Variants in DNER observed in about 807,000 individuals in gnomAD.
DNER encodes delta and Notch-like epidermal growth factor-related receptor.
A neutral mutation model predicts 78.2 loss-of-function variants in DNER; 33 were observed. The ratio of observed to expected loss-of-function variants is 0.42; its 90% confidence interval spans 0.32 to 0.56. The LOEUF (loss-of-function observed/expected upper bound fraction) is 0.56, where lower values mean the gene tolerates loss of function less well. Ranked by LOEUF, DNER falls within the 20% of genes least tolerant of loss-of-function variation. The pLI is 0.11. For missense variants in DNER, 918 were observed against 975.3 expected, an observed-to-expected ratio of 0.94 and a Z score of 0.78; for synonymous variants, 417 against 384.8, an observed-to-expected ratio of 1.08 and a Z score of -0.98.
chr2:229,611,251 C>T (rs1698040557), intron 1 of DNER, among the ~76,000 whole-genome samples: 1 of 152,144 alleles, frequency 6.6e-6, no homozygotes, highest in Admixed American at 6.5e-5. Context: ...GTCATTTGCA[C>T]ATAAGTTGTT....
At chr2:229,581,429 T>C (rs1363522055) in intron 4 of DNER, among the ~76,000 whole-genome samples, 3 of 152,116 alleles carry the variant, frequency 2.0e-5, no homozygotes, top group African/African-American at 7.2e-5. Flanking sequence ...ATTTAGATAT[T>C]TACCCCAATG....
intron 1 of DNER, among the ~76,000 whole-genome samples, chr2:229,650,633 G>A (rs1208716559): frequency 6.6e-6 from 1 of 151,862 alleles, no homozygotes; most frequent in African/African-American, 2.4e-5. Flanking sequence ...CCACCCCAAG[G>A]GCCCCTACAC....
At chr2:229,570,621 T>C (rs1697199807) in intron 4 of DNER, among the ~76,000 whole-genome samples, 1 of 26,704 alleles carries the variant, frequency 3.7e-5, no homozygotes, top group South Asian at 2.6e-3. Flanking sequence ...CAAAACTCCA[T>C]CTCAAAAAAA....
chr2:229,615,838 CA>C (rs1366666743), intron 1 of DNER, among the ~76,000 whole-genome samples: 2 of 152,004 alleles, frequency 1.3e-5, no homozygotes, highest in African/African-American at 4.8e-5. Context: ...CAAGCAGCCA[CA>C]AGAAGTGAGG....
At chr2:229,602,757 T>A (rs534837427) in intron 1 of DNER, among the ~76,000 whole-genome samples, 1 of 152,320 alleles carries the variant, frequency 6.6e-6, no homozygotes, top group African/African-American at 2.4e-5. Context: ...TAAAAATGCA[T>A]GATCTCAATG....
intron 7 of DNER, among the ~76,000 whole-genome samples, chr2:229,457,956 T>C (rs1694611420): frequency 1.3e-5 from 2 of 150,934 alleles, no homozygotes; most frequent in Admixed American, 6.6e-5. Flanking sequence ...GCCAATGTGG[T>C]GAAACCCTGT....
chr2:229,402,153 T>C (rs1169793179), intron 10 of DNER, among the ~76,000 whole-genome samples: 1 of 151,642 alleles, frequency 6.6e-6, no homozygotes, highest in Non-Finnish European at 1.5e-5. Flanking sequence ...AGAAAAAAAA[T>C]TGATAAATTA....
rs139503753 is a variant in DNER, at chr2:229,585,991, C to T, written c.714G>A (p.Leu238=). 376 of 1,613,542 alleles carry T rather than the reference C, an allele frequency of 2.3e-4. No individual in the cohort carries two copies. Among genetic ancestry groups the T allele is most frequent in the Middle Eastern group, 4.9e-4 (3 of 6,082 alleles). The change falls in exon 4 of 13, where the codon TTG becomes TTA. Residue 238 remains leucine (L), a synonymous_variant. Coordinates refer to ENST00000341772, the MANE Select transcript of DNER (RefSeq NM_139072.4). Reference sequence around the variant, plus strand: ...ATCCTGTGGCCGTGACCTTCCAGAGCAAAATCAGTGAGGCAGTGGCATCTT... The same window carrying T: ...ATCCTGTGGCCGTGACCTTCCAGAGTAAAATCAGTGAGGCAGTGGCATCTT... ...IRQDATASLI[L]LWKVTATGFQ... is the part of the protein sequence containing the mutation.
rs151222443 is a variant in DNER at position 229,499,415 on chromosome 2, A to G, written c.1147+13368T>C. 5.0e-3 allele frequency among the ~76,000 whole-genome samples: 744 copies of G among 147,980 alleles called. 6 individuals carry two copies. The highest frequency in any genetic ancestry group is 0.018 in the African/African-American group (706 of 40,154). On this transcript the variant is annotated intron_variant, in intron 6 of 12. Transcript: ENST00000341772. ...AGCCAAGATCATGCCACTGCACTCC[A>G]GCCTGAGCAACACAGCAAGACTCCA... is the stretch of plus-strand genomic sequence containing the variant.
intron 5 of DNER, among the ~76,000 whole-genome samples, chr2:229,521,284 G>A (rs1375523501): frequency 6.6e-6 from 1 of 152,194 alleles, no homozygotes; most frequent in Non-Finnish European, 1.5e-5. Context: ...GCAGCCATCA[G>A]TGGGAGGAAG....
intron 7 of DNER, among the ~76,000 whole-genome samples, chr2:229,464,772 T>C (rs1335128499): frequency 6.6e-6 from 1 of 151,990 alleles, no homozygotes; most frequent in Non-Finnish European, 1.5e-5. Flanking sequence ...TGTAAGATAG[T>C]GGAGTCAGGA....
intron 1 of DNER, among the ~76,000 whole-genome samples, chr2:229,678,376 A>G (rs2154217023): frequency 6.6e-6 from 1 of 152,334 alleles, no homozygotes; most frequent in African/African-American, 2.4e-5. Context: ...ATGCATCATG[A>G]ATTCTTCAGG....
At chr2:229,477,460 T>A (rs1393881698) in intron 6 of DNER, among the ~76,000 whole-genome samples, 2 of 152,180 alleles carry the variant, frequency 1.3e-5, no homozygotes, top group Non-Finnish European at 2.9e-5. Flanking sequence ...TCAAAAATCG[T>A]TTACTCTGCA....
At chr2:229,530,790 G>T (rs1559158628) in intron 5 of DNER, among the ~76,000 whole-genome samples, 1 of 152,198 alleles carries the variant, frequency 6.6e-6, no homozygotes. Flanking sequence ...ATTAAATGCT[G>T]ATCTTAGCCT....
intron 6 of DNER, among the ~76,000 whole-genome samples, chr2:229,485,216 C>A (rs947280326): frequency 6.6e-6 from 1 of 152,118 alleles, no homozygotes; most frequent in African/African-American, 2.4e-5. Context: ...ATGGCACAGC[C>A]GGGAAAGCCC....
chr2:229,363,211 T>C (rs1692255757), intron 12 of DNER, among the ~76,000 whole-genome samples: 1 of 151,764 alleles, frequency 6.6e-6, no homozygotes, highest in Non-Finnish European at 1.5e-5. Flanking sequence ...CTACTAGGAG[T>C]TACAACCAAC....
intron 10 of DNER, among the ~76,000 whole-genome samples, chr2:229,403,111 T>C (rs888786957): frequency 9.2e-5 from 14 of 152,172 alleles, no homozygotes; most frequent in African/African-American, 3.4e-4. Context: ...TATATAGCAA[T>C]GATTTGCCCG....
chr2:229,622,041 G>A (rs780836231), intron 1 of DNER, among the ~76,000 whole-genome samples: 7 of 152,152 alleles, frequency 4.6e-5, no homozygotes, highest in Admixed American at 1.3e-4. Context: ...AGCCGAGATC[G>A]CGCCGCTGCC....
chr2:229,374,193 G>C (rs1692550267), intron 11 of DNER, among the ~76,000 whole-genome samples: 1 of 152,000 alleles, frequency 6.6e-6, no homozygotes, highest in Non-Finnish European at 1.5e-5. Flanking sequence ...TGAACATCAG[G>C]TACTTGTGGA....
Sources: gnomAD v4.1 joint callset for allele counts (sites outside exome capture counted in the v4.1 genomes callset) on GRCh38, gnomAD v4.1.1 for gene constraint, MANE v1.5 for transcripts, NCBI Gene and HGNC (gene_info 2026-07-23, HGNC 2026-07-21) for gene names.